Variants in SCN8A observed in about 807,000 individuals in gnomAD.
SCN8A encodes sodium voltage-gated channel alpha subunit 8.
A neutral mutation model predicts 184.1 loss-of-function variants in SCN8A; 30 were observed. The observed-to-expected ratio is 0.16, with a 90% CI of 0.12 to 0.22. SCN8A has a LOEUF of 0.22. Ranked by LOEUF, SCN8A falls within the 10% of genes least tolerant of loss-of-function variation. The pLI is 1.00. For missense variants in SCN8A, 1,057 were observed against 2,498.9 expected (o/e 0.42, Z 12.30); for synonymous variants, 852 against 907.0 (o/e 0.94, Z 1.09).
At chr12:51,780,286 G>A (rs778534639) in intron 20 of SCN8A, 19 of 452,286 alleles carry the variant, frequency 4.2e-5, no homozygotes, top group Middle Eastern at 4.0e-4. Flanking sequence ...GGCTCTTGTC[G>A]TCTGTTCAGG....
At chr12:51,670,659 A>C (rs1592368842) in intron 2 of SCN8A, among the ~76,000 whole-genome samples, 1 of 152,192 alleles carries the variant, frequency 6.6e-6, no homozygotes, top group African/African-American at 2.4e-5. Context: ...ATGGGACGAC[A>C]ATATGTAAGC....
At chr12:51,764,142 A>G (rs1012604657) in intron 15 of SCN8A, among the ~76,000 whole-genome samples, 1 of 152,218 alleles carries the variant, frequency 6.6e-6, no homozygotes, top group East Asian at 1.9e-4. Context: ...AGATGTCTGC[A>G]TATAGGGTAA....
chr12:51,775,618 A>AC (rs577855287), intron 20 of SCN8A, among the ~76,000 whole-genome samples: 53 of 152,204 alleles, frequency 3.5e-4, no homozygotes, highest in African/African-American at 1.2e-3. Flanking sequence ...AAGGACCTGT[A>AC]CCCCCCACAG....
Position 51,663,052 on chromosome 12 carries a change from G to A in SCN8A, c.235G>A (p.Val79Ile), listed in dbSNP as rs775593096. The A allele has an allele frequency of 6.2e-7, 1 of 1,613,936 alleles. No homozygotes were observed. The highest frequency in any genetic ancestry group is 1.3e-5 in the African/African-American group (1 of 74,934). Reference protein sequence around the residue: ...YGDIPQGLVAVPLEDFDPYYL... With the variant: ...YGDIPQGLVAIPLEDFDPYYL... ...GGACATCCCCCAAGGCCTGGTTGCA[G>A]TTCCCCTGGAGGACTTTGACCCATA... is the stretch of plus-strand genomic sequence containing the variant. The change falls in exon 2 of 27, where the codon GTT becomes ATT. Residue 79 changes from valine (V) to isoleucine (I), a missense_variant. Val to Ile is a conservative substitution (Grantham distance 29). Transcript: ENST00000627620.
chr12:51,654,539 A>G (rs1940783218), intron 1 of SCN8A, among the ~76,000 whole-genome samples: 1 of 152,010 alleles, frequency 6.6e-6, no homozygotes, highest in South Asian at 2.1e-4. Flanking sequence ...AATCTATTCC[A>G]TTAGTCTATA....
chr12:51,592,276 C>T (rs1479425474), intron 1 of SCN8A, among the ~76,000 whole-genome samples: 4 of 151,998 alleles, frequency 2.6e-5, no homozygotes, highest in African/African-American at 9.7e-5. Context: ...CAGCTCCATC[C>T]CCTCCATTGC....
intron 1 of SCN8A, among the ~76,000 whole-genome samples, chr12:51,647,721 A>G (rs1417621241): frequency 2.0e-5 from 3 of 152,210 alleles, no homozygotes; most frequent in African/African-American, 7.2e-5. Context: ...TGAAATCTGT[A>G]AGTAACAAAG....
chr12:51,644,567 C>T lies in SCN8A; in HGVS notation c.-54-18197C>T, dbSNP rs111890318. 1.3e-3 allele frequency among the ~76,000 whole-genome samples: 192 copies of T among 152,330 alleles called. 1 individual carries two copies. The highest frequency in any genetic ancestry group is 7.3e-4 in the Non-Finnish European group (50 of 68,028). On this transcript the variant is annotated intron_variant, in intron 1 of 26. Coordinates refer to ENST00000627620, the MANE Select transcript of SCN8A (RefSeq NM_001330260.2). ...TGGTGCCCAGGCTGGAGTGCAGTGG[C>T]GTGATCTCGGCTCGCTACAACCTCC...
intron 19 of SCN8A, among the ~76,000 whole-genome samples, chr12:51,771,191 C>T (rs903188803): frequency 1.6e-4 from 24 of 152,188 alleles, no homozygotes; most frequent in African/African-American, 5.1e-4. Flanking sequence ...ACAGGCTCCT[C>T]CACTGCTGAG....
intron 1 of SCN8A, among the ~76,000 whole-genome samples, chr12:51,624,583 GT>G (rs1228543665): frequency 1.3e-5 from 2 of 151,944 alleles, no homozygotes; most frequent in African/African-American, 4.8e-5. Context: ...TCTGATGGTA[GT>G]TTCTTTTGCT....
chr12:51,645,330 T>TG (rs552314972), intron 1 of SCN8A, among the ~76,000 whole-genome samples: 265 of 126,352 alleles, frequency 2.1e-3, no homozygotes, highest in South Asian at 5.2e-3. Flanking sequence ...AGGAGGGAGG[T>TG]GGGGGGGTTC....
At chr12:51,739,337 G>T (rs1187545130) in intron 12 of SCN8A, among the ~76,000 whole-genome samples, 3 of 152,064 alleles carry the variant, frequency 2.0e-5, no homozygotes, top group African/African-American at 7.2e-5. Flanking sequence ...GCCGTCACTC[G>T]AGGTGCCGCT....
rs763742447 is a variant in SCN8A, at chr12:51,686,392, C to T, written c.420C>T (p.Cys140=). The T allele has an allele frequency of 1.1e-5, 17 of 1,611,508 alleles. No homozygotes were observed. Among genetic ancestry groups the T allele is most frequent in the Non-Finnish European group, 1.2e-5 (14 of 1,177,904 alleles). Residue 140 remains cysteine (C), a synonymous_variant, in exon 4 of 27, where the codon TGC becomes TGT. Transcript: ENST00000627620. ...CAGTATTTAGCATGATCATTATGTG[C>T]ACTATTTTGACCAACTGTGTATTCA... ...IHSVFSMIIM[C]TILTNCVFMT...
In SCN8A at chr12:51,601,854, G is replaced by GT. The variant is rs1213907707; in HGVS notation, c.-55+10495_-55+10496insT. Among the ~76,000 whole-genome samples, 62 of 139,884 alleles carry GT rather than the reference G, an allele frequency of 4.4e-4. 1 individual carries two copies. The highest frequency in any genetic ancestry group is 1.6e-3 in the African/African-American group (57 of 35,392). 91.8% of individuals were successfully genotyped at this position (139,884 alleles called of 152,430 possible). A position where few individuals can be genotyped will look rare whatever the true frequency, so the allele number is the denominator to read the frequency against. On this transcript the variant is annotated intron_variant, in intron 1 of 26. Coordinates refer to ENST00000627620, the MANE Select transcript of SCN8A (RefSeq NM_001330260.2). Reference sequence around the variant, plus strand: ...TGCCAAGGGTGGTGCTCAGAGAAAGGGTTTTTTTTTTTTTTTTTTTTTTTT... The same window carrying GT: ...TGCCAAGGGTGGTGCTCAGAGAAAGGTGTTTTTTTTTTTTTTTTTTTTTTTT...
At chr12:51,600,870 A>G (rs892875844) in intron 1 of SCN8A, among the ~76,000 whole-genome samples, 5 of 152,234 alleles carry the variant, frequency 3.3e-5, no homozygotes, top group Admixed American at 1.3e-4. Flanking sequence ...GAGTTCTTGC[A>G]AATTCCATTA....
At chr12:51,715,423 G>A (rs1055395217) in intron 11 of SCN8A, among the ~76,000 whole-genome samples, 5 of 151,942 alleles carry the variant, frequency 3.3e-5, no homozygotes, top group African/African-American at 9.7e-5. Flanking sequence ...CATATGTCTC[G>A]TTCACCACTG....
At chr12:51,675,345 T>G (rs1430552665) in intron 2 of SCN8A, among the ~76,000 whole-genome samples, 3 of 152,094 alleles carry the variant, frequency 2.0e-5, no homozygotes, top group Non-Finnish European at 4.4e-5. Flanking sequence ...GGTTACAAGG[T>G]CAAAGCAAAT....
chr12:51,778,955 C>T (rs1181350131), intron 20 of SCN8A, among the ~76,000 whole-genome samples: 1 of 152,086 alleles, frequency 6.6e-6, no homozygotes, highest in Non-Finnish European at 1.5e-5. Flanking sequence ...GTGGCTCAAG[C>T]CTGTAATCCC....
At chr12:51,677,254 T>A (rs1285395553) in intron 2 of SCN8A, among the ~76,000 whole-genome samples, 1 of 151,846 alleles carries the variant, frequency 6.6e-6, no homozygotes, top group Non-Finnish European at 1.5e-5. Flanking sequence ...CCAGCAAATT[T>A]TTTTTATTTT....
Sources: allele counts gnomAD v4.1 joint callset (sites outside exome capture counted in the v4.1 genomes callset), GRCh38; gene constraint gnomAD v4.1.1; transcripts MANE v1.5; gene names NCBI Gene and HGNC (gene_info 2026-07-23, HGNC 2026-07-21).